TCF7L1: variants seen among roughly 807,000 people sequenced by gnomAD.
TCF7L1 encodes the protein transcription factor 7 like 1.
A neutral mutation model predicts 63.7 loss-of-function variants in TCF7L1; 18 were observed. That is an observed-to-expected ratio of 0.28 (90% CI 0.20 to 0.42). The LOEUF is 0.42. Ranked by LOEUF, TCF7L1 falls within the 10% of genes least tolerant of loss-of-function variation. The pLI is 1.00. For missense variants in TCF7L1, 654 were observed against 779.3 expected (o/e 0.84, Z 1.91); for synonymous variants, 355 against 340.9 (o/e 1.04, Z -0.46).
chr2:85,142,487 T>C (rs1208386792), intron 3 of TCF7L1, among the ~76,000 whole-genome samples: 1 of 148,360 alleles, frequency 6.7e-6, no homozygotes, highest in Non-Finnish European at 1.5e-5. Context: ...ATATAATATA[T>C]ATATATATAT....
intron 3 of TCF7L1, among the ~76,000 whole-genome samples, chr2:85,144,425 A>AC: frequency 6.6e-6 from 1 of 151,262 alleles, no homozygotes; most frequent in East Asian, 1.9e-4. Context: ...TACAAAAAAA[A>AC]AAAAAAAAAC....
chr2:85,244,234 G>A (rs1680408456), intron 3 of TCF7L1, among the ~76,000 whole-genome samples: 1 of 152,168 alleles, frequency 6.6e-6, no homozygotes, highest in Non-Finnish European at 1.5e-5. Flanking sequence ...TGGTCACAGG[G>A]GCATGCAGCC....
intron 3 of TCF7L1, among the ~76,000 whole-genome samples, chr2:85,189,409 C>T (rs529345355): frequency 1.5e-4 from 23 of 152,322 alleles, no homozygotes; most frequent in East Asian, 9.6e-4. Flanking sequence ...CACATGGAGG[C>T]GCCCTTCAGG....
rs936194991 is a variant in TCF7L1, at chr2:85,191,441, A to G, written c.441+56991A>G. On this transcript the variant is annotated intron_variant, in intron 3 of 11. Coordinates refer to ENST00000282111, the MANE Select transcript of TCF7L1 (RefSeq NM_031283.3). ...ACCCTGCCTGGCCTCAGCTCCCTGC[A>G]CTATGCAATGGTATAGAAGTGGGAT... Among the ~76,000 whole-genome samples, 10 of 152,214 alleles carry G rather than the reference A, an allele frequency of 6.6e-5. No individual in the cohort carries two copies. In the South Asian group the frequency reaches 8.3e-4, roughly 13 times the overall value.
At chr2:85,155,173 T>C (rs757381834) in intron 3 of TCF7L1, among the ~76,000 whole-genome samples, 6 of 152,278 alleles carry the variant, frequency 3.9e-5, no homozygotes, top group Non-Finnish European at 7.4e-5. Flanking sequence ...TGGACTTCCT[T>C]GGTCGAATGG....
At chr2:85,272,519 G>T (rs10195229) in intron 3 of TCF7L1, among the ~76,000 whole-genome samples, 3 of 151,840 alleles carry the variant, frequency 2.0e-5, no homozygotes, top group Non-Finnish European at 4.4e-5. Context: ...ATGACCGGGC[G>T]TGGTAGCTCA....
At chr2:85,138,501 A>AT (rs1001238472) in intron 3 of TCF7L1, among the ~76,000 whole-genome samples, 45 of 151,184 alleles carry the variant, frequency 3.0e-4, no homozygotes, top group African/African-American at 9.2e-4. Flanking sequence ...CTTCTGTTTC[A>AT]TTTTTTTTTC....
chr2:85,189,831 A>G lies in TCF7L1; in HGVS notation c.441+55381A>G, dbSNP rs74412565. Among the ~76,000 whole-genome samples, 1,393 of 152,178 alleles carry G rather than the reference A, an allele frequency of 9.2e-3. 20 individuals carry two copies. The highest frequency in any genetic ancestry group is 0.032 in the African/African-American group (1,315 of 41,534). On this transcript the variant is annotated intron_variant, in intron 3 of 11. Transcript: ENST00000282111. ...GAGAGGGGCGCTGCGAGCCTTGCAC[A>G]TGAGAATGCGCCCACTCGGCCTGCC...
In TCF7L1 at chr2:85,197,673, A is replaced by G. The variant is rs1040337605; in HGVS notation, c.441+63223A>G. On this transcript the variant is annotated intron_variant, in intron 3 of 11. Transcript: ENST00000282111. ...TGTGGCTGATATAAGACAACTGTCA[A>G]TCGTCACCCTGCCTTTTAGGATGCA... 7.2e-5 allele frequency among the ~76,000 whole-genome samples: 11 copies of G among 152,240 alleles called. No individual in the cohort carries two copies. In the South Asian group the frequency reaches 1.2e-3, roughly 17 times the overall value.
chr2:85,277,623 G>A (rs976787980), intron 3 of TCF7L1, among the ~76,000 whole-genome samples: 7 of 152,182 alleles, frequency 4.6e-5, no homozygotes, highest in African/African-American at 7.2e-5. Context: ...AAAAATGGGC[G>A]AGACCATGGG....
At chr2:85,231,100 C>T (rs72840174) in intron 3 of TCF7L1, among the ~76,000 whole-genome samples, 4,354 of 152,220 alleles carry the variant, frequency 0.029, 86 homozygotes, top group Non-Finnish European at 0.041. Flanking sequence ...TGCAGATGAA[C>T]GAGGTTACTA....
At chr2:85,241,734 C>T (rs1249794629) in intron 3 of TCF7L1, among the ~76,000 whole-genome samples, 1 of 152,086 alleles carries the variant, frequency 6.6e-6, no homozygotes, top group Non-Finnish European at 1.5e-5. Context: ...CATGAGCCAT[C>T]GGGCCCAACC....
At chr2:85,291,769 C>T (rs1236338055) in intron 4 of TCF7L1, among the ~76,000 whole-genome samples, 1 of 152,104 alleles carries the variant, frequency 6.6e-6, no homozygotes. Flanking sequence ...GGCTGTAGTG[C>T]AGTGGCATGA....
intron 3 of TCF7L1, among the ~76,000 whole-genome samples, chr2:85,138,219 G>A (rs1157088607): frequency 1.3e-5 from 2 of 152,188 alleles, no homozygotes. Flanking sequence ...TCAGGCTTGT[G>A]TATGAAATTG....
intron 11 of TCF7L1, among the ~76,000 whole-genome samples, chr2:85,308,551 C>T (rs576413015): frequency 2.7e-5 from 4 of 146,272 alleles, no homozygotes; most frequent in African/African-American, 7.7e-5. Context: ...TTCTCCTTCC[C>T]TCCCTCCCTA....
At chr2:85,247,968 G>A (rs1050716904) in intron 3 of TCF7L1, among the ~76,000 whole-genome samples, 1 of 152,194 alleles carries the variant, frequency 6.6e-6, no homozygotes, top group African/African-American at 2.4e-5. Flanking sequence ...TTAGTTGAGT[G>A]TAATGTAGAT....
intron 3 of TCF7L1, among the ~76,000 whole-genome samples, chr2:85,198,776 G>A (rs1324087986): frequency 3.9e-5 from 6 of 152,150 alleles, no homozygotes; most frequent in South Asian, 2.1e-4. Context: ...CAGGAAGATC[G>A]CATGAGCCCA....
At chr2:85,135,135 C>T (rs1677561161) in intron 3 of TCF7L1, among the ~76,000 whole-genome samples, 1 of 152,198 alleles carries the variant, frequency 6.6e-6, no homozygotes, top group African/African-American at 2.4e-5. Context: ...TGTGTGCTGC[C>T]CGCTGGCATT....
At chr2:85,165,389 C>T (rs1217118473) in intron 3 of TCF7L1, among the ~76,000 whole-genome samples, 2 of 152,210 alleles carry the variant, frequency 1.3e-5, no homozygotes, top group African/African-American at 2.4e-5. Context: ...ATCTGCCCTC[C>T]AGTCCTGTTA....
Sources: allele counts gnomAD v4.1 joint callset (sites outside exome capture counted in the v4.1 genomes callset), GRCh38; gene constraint gnomAD v4.1.1; transcripts MANE v1.5; gene names NCBI Gene and HGNC (gene_info 2026-07-23, HGNC 2026-07-21).